S100PBP: variants seen among roughly 807,000 people sequenced by gnomAD.
S100PBP encodes the protein S100P-binding protein.
S100PBP carries 15 observed loss-of-function variants against 39.9 expected under a neutral mutation model. The observed-to-expected ratio is 0.38, with a 90% CI of 0.25 to 0.58. The LOEUF is 0.58. Among genes scored for constraint, S100PBP ranks in the 20% least tolerant of loss-of-function variants. S100PBP has a pLI of 0.70. For missense variants in S100PBP, 504 were observed against 487.3 expected, an observed-to-expected ratio of 1.03 and a Z score of -0.32; for synonymous variants, 178 against 180.3, an observed-to-expected ratio of 0.99 and a Z score of 0.10.
chr1:32,822,339 G>A (rs755730210), intron 1 of S100PBP, among the ~76,000 whole-genome samples: 6 of 152,114 alleles, frequency 3.9e-5, no homozygotes, highest in Admixed American at 6.6e-5. Flanking sequence ...ATGGCCGGGC[G>A]CGGTGGCTCA....
Position 32,858,806 on chromosome 1 carries a change from A to G in S100PBP, c.*2768A>G, listed in dbSNP as rs1640908237. 1 of 152,118 alleles carries G rather than the reference A, an allele frequency of 6.6e-6. No individual in the cohort carries two copies. Among genetic ancestry groups the G allele is most frequent in the Non-Finnish European group, 1.5e-5 (1 of 68,028 alleles). The allele number at this position is 152,118 out of a possible 1,614,324, so 9.4% of individuals were successfully genotyped here. ...AACTGAAGTTTGGTGCCTCCTCTTTATCATGTTTTTTCCCTTGTAGCAGTT... is the reference window on the plus strand; with the variant it reads ...AACTGAAGTTTGGTGCCTCCTCTTTGTCATGTTTTTTCCCTTGTAGCAGTT... On this transcript the variant is annotated 3_prime_UTR_variant, in exon 7 of 7. Coordinates refer to ENST00000373475, the MANE Select transcript of S100PBP (RefSeq NM_022753.4).
intron 6 of S100PBP, among the ~76,000 whole-genome samples, chr1:32,854,604 T>C (rs1160970627): frequency 2.0e-5 from 3 of 152,238 alleles, no homozygotes; most frequent in Non-Finnish European, 4.4e-5. Context: ...TCCCTGCTTC[T>C]GCCCTTGCCA....
chr1:32,829,984 C>T lies in S100PBP; in HGVS notation c.941C>T (p.Ser314Leu). The T allele has an allele frequency of 1.9e-6, 3 of 1,613,772 alleles. No homozygotes were observed. The highest frequency in any genetic ancestry group is 2.5e-6 in the Non-Finnish European group (3 of 1,179,790). Residue 314 changes from serine (S) to leucine (L), a missense_variant, in exon 5 of 7, where the codon TCA becomes TTA. Transcript: ENST00000373475. Reference protein sequence around the residue: ...TKTRTNVPTFSQSNLEQQKQL... With the variant: ...TKTRTNVPTFLQSNLEQQKQL... ...TCAAGGACTAATGTTCCGACGTTTTCACAGTCAAATCTAGAACAGCAGAAG... is the reference window on the plus strand; with the variant it reads ...TCAAGGACTAATGTTCCGACGTTTTTACAGTCAAATCTAGAACAGCAGAAG...
rs565878541 is a variant in S100PBP at position 32,853,913 on chromosome 1, A to C, written c.1112+747A>C. On this transcript the variant is annotated intron_variant, in intron 6 of 6. Coordinates refer to ENST00000373475, the MANE Select transcript of S100PBP (RefSeq NM_022753.4). ...GTCTCAAAAAACAAACAGACAAAAC[A>C]AAAACTGGACTGAAATTCAGGAAAC... Among the ~76,000 whole-genome samples the C allele has an allele frequency of 2.7e-3, 408 of 152,310 alleles. 1 individual carries two copies. Among genetic ancestry groups the C allele is most frequent in the Admixed American group, 4.7e-3 (72 of 15,294 alleles).
At chr1:32,834,398 C>T (rs913891949) in intron 5 of S100PBP, among the ~76,000 whole-genome samples, 2 of 152,000 alleles carry the variant, frequency 1.3e-5, no homozygotes, top group Non-Finnish European at 2.9e-5. Context: ...ATAGATTGTC[C>T]CACATTCTGA....
In S100PBP at chr1:32,853,725, G is replaced by A. The variant is rs549336746; in HGVS notation, c.1112+559G>A. On this transcript the variant is annotated intron_variant, in intron 6 of 6. Transcript: ENST00000373475. ...ACCAGCCTGGCCAATGTGAGACCCC[G>A]TCGCTACAAAAAATACAAAAACTTA... is the stretch of plus-strand genomic sequence containing the variant. Among the ~76,000 whole-genome samples the A allele has an allele frequency of 5.3e-5, 8 of 152,134 alleles. 1 individual carries two copies. In the South Asian group the frequency reaches 1.2e-3, roughly 24 times the overall value.
chr1:32,817,487 GGAGGGCGGGGCT>G, upstream of S100PBP: 2 of 608,522 alleles, frequency 3.3e-6, no homozygotes, highest in African/African-American at 1.8e-5. Context: ...TGGGCGGTGC[GGAGGGCGGGGCT>G]GAGGCGCCTG....
Position 32,826,516 on chromosome 1 carries a change from A to C in S100PBP, c.417A>C (p.Leu139=), listed in dbSNP as rs372678328. The change falls in exon 3 of 7, where the codon CTA becomes CTC. Residue 139 remains leucine (L), a synonymous_variant. Coordinates refer to ENST00000373475, the MANE Select transcript of S100PBP (RefSeq NM_022753.4). ...HTKPLNRRSV[L]EKNLIKVTVA... ...AACCATTAAACAGACGCTCTGTACT[A>C]GAAAAGAATCTTATAAAAGTAACTG... The C allele has an allele frequency of 2.8e-5, 45 of 1,614,010 alleles. No homozygotes were observed. Among genetic ancestry groups the C allele is most frequent in the Non-Finnish European group, 3.8e-5 (45 of 1,180,038 alleles).
intron 1 of S100PBP, 182 bp from the exon 2 acceptor site, chr1:32,825,131 T>C (rs912050406): frequency 6.6e-6 from 1 of 151,650 alleles, no homozygotes; most frequent in Non-Finnish European, 1.5e-5. Context: ...AGTTGCATAA[T>C]TTTTTTTTCT....
intron 5 of S100PBP, among the ~76,000 whole-genome samples, chr1:32,851,599 G>A (rs1466522005): frequency 6.6e-6 from 1 of 151,888 alleles, no homozygotes; most frequent in Non-Finnish European, 1.5e-5. Context: ...CCGGGAGGAG[G>A]AGGTTGCGGT....
At chr1:32,844,825 CTATATA>C (rs1023150425) in intron 5 of S100PBP, among the ~76,000 whole-genome samples, 1 of 149,960 alleles carries the variant, frequency 6.7e-6, no homozygotes, top group African/African-American at 2.4e-5. Context: ...CTCTATATAT[CTATATA>C]TATATATCTT....
intron 5 of S100PBP, among the ~76,000 whole-genome samples, chr1:32,851,745 G>A (rs945986183): frequency 6.6e-6 from 1 of 152,122 alleles, no homozygotes; most frequent in African/African-American, 2.4e-5. Context: ...GAATTTGCTT[G>A]AAATGCAAAT....
At chr1:32,852,929 T>G in intron 5 of S100PBP, 150 bp from the exon 6 acceptor site, 1 of 587,182 alleles carries the variant, frequency 1.7e-6, no homozygotes, top group Non-Finnish European at 3.1e-6. Flanking sequence ...CATTCTGGTT[T>G]ATAGTTTCTG....
At chr1:32,832,872 T>C (rs61800870) in intron 5 of S100PBP, among the ~76,000 whole-genome samples, 20,868 of 152,204 alleles carry the variant, frequency 0.14, 1,780 homozygotes, top group South Asian at 0.23. Flanking sequence ...AGTTATCTCT[T>C]TTCACTTTAT....
chr1:32,823,407 A>C (rs1171160011), intron 1 of S100PBP, among the ~76,000 whole-genome samples: 2 of 152,252 alleles, frequency 1.3e-5, no homozygotes, highest in Non-Finnish European at 2.9e-5. Context: ...AGCTGCTTCA[A>C]CACCTAGAAC....
At chr1:32,841,867 T>G (rs1003722007) in intron 5 of S100PBP, among the ~76,000 whole-genome samples, 2 of 151,896 alleles carry the variant, frequency 1.3e-5, no homozygotes, top group African/African-American at 4.8e-5. Flanking sequence ...GGATTACATT[T>G]AGATCTATGA....
chr1:32,819,293 CATG>C (rs777239690), intron 1 of S100PBP, among the ~76,000 whole-genome samples: 35 of 152,318 alleles, frequency 2.3e-4, no homozygotes, highest in Admixed American at 3.9e-4. Context: ...TATGGCCAGA[CATG>C]GTGGCTCACG....
At chr1:32,833,441 A>G (rs1000781829) in intron 5 of S100PBP, among the ~76,000 whole-genome samples, 2 of 150,154 alleles carry the variant, frequency 1.3e-5, no homozygotes, top group Non-Finnish European at 3.0e-5. Context: ...GGCTCACTGC[A>G]GCCTCTCCCT....
rs1363596757 is a variant in S100PBP at position 32,853,079 on chromosome 1, G to A, written c.1025G>A (p.Gly342Asp). 1.9e-6 allele frequency: 3 copies of A among 1,610,626 alleles called. No individual in the cohort carries two copies. The South Asian group carries it at 3.3e-5, about 18-fold the overall frequency. ...AACCACTGATCCCTCTGTATCACAGGTATCTCGGGGGAGCTTTGTGCCTTG... is the reference window on the plus strand; with the variant it reads ...AACCACTGATCCCTCTGTATCACAGATATCTCGGGGGAGCTTTGTGCCTTG... ...HIEDPEDTNQ[G>D]ISGELCALMD... The change falls in exon 6 of 7, where the codon GGT becomes GAT. Residue 342 changes from glycine (G) to aspartate (D), a missense_variant and splice_region_variant. Transcript: ENST00000373475.
Sources: gnomAD v4.1 joint callset for allele counts (sites outside exome capture counted in the v4.1 genomes callset) on GRCh38, gnomAD v4.1.1 for gene constraint, MANE v1.5 for transcripts, NCBI Gene and HGNC (gene_info 2026-07-23, HGNC 2026-07-21) for gene names.